The following TAF1A variants were observed in gnomAD, a reference collection of about 807,000 sequenced individuals.
The protein encoded by TAF1A is TATA box-binding protein-associated factor RNA polymerase I subunit A.
A neutral mutation model predicts 61.6 loss-of-function variants in TAF1A; 42 were observed. That is an observed-to-expected ratio of 0.68 (90% CI 0.53 to 0.88). The LOEUF (loss-of-function observed/expected upper bound fraction) is 0.88, where lower values mean the gene tolerates loss of function less well. TAF1A is among the 40% of genes least tolerant of loss of function. The probability of loss-of-function intolerance (pLI) is 0.00; values close to 1 mark genes in which losing one functional copy is unlikely to be tolerated. For missense variants in TAF1A, 424 were observed against 518.7 expected, an observed-to-expected ratio of 0.82 and a Z score of 1.77; for synonymous variants, 179 against 177.7, an observed-to-expected ratio of 1.01 and a Z score of -0.06.
chr1:222,564,557 AG>A (rs1211542669), intron 7 of TAF1A, among the ~76,000 whole-genome samples: 1 of 152,164 alleles, frequency 6.6e-6, no homozygotes, highest in Non-Finnish European at 1.5e-5. Context: ...AAAGCAAAAA[AG>A]CTAAAAAGGC....
chr1:222,570,693 A>G lies in TAF1A; in HGVS notation c.605-28T>C, dbSNP rs1166172172. 8 of 1,553,206 alleles carry G rather than the reference A, an allele frequency of 5.2e-6. No individual in the cohort carries two copies. The Admixed American group carries it at 7.2e-5, about 14-fold the overall frequency. Reference sequence around the variant, plus strand: ...GCCCAAAGATACAAGATCTTTTAACATTCATTAAACATTGAGGACCTCTGT... The same window carrying G: ...GCCCAAAGATACAAGATCTTTTAACGTTCATTAAACATTGAGGACCTCTGT... On this transcript the variant is annotated intron_variant, in intron 5 of 10. Transcript: ENST00000352967.
intron 7 of TAF1A, among the ~76,000 whole-genome samples, chr1:222,565,482 AAC>A (rs1345597283): frequency 3.3e-5 from 5 of 152,246 alleles, no homozygotes; most frequent in Non-Finnish European, 5.9e-5. Flanking sequence ...ATAAGTATTC[AAC>A]AGTTATTTTC....
At chr1:222,558,282 A>T (rs1044434291), downstream of TAF1A, 2 of 152,424 alleles carry the variant, frequency 1.3e-5, no homozygotes, top group Non-Finnish European at 2.9e-5. Context: ...AAATGGATTA[A>T]TTAGAATATA....
intron 5 of TAF1A, among the ~76,000 whole-genome samples, chr1:222,572,765 C>T (rs1450676025): frequency 6.6e-6 from 1 of 152,128 alleles, no homozygotes; most frequent in Non-Finnish European, 1.5e-5. Flanking sequence ...TAAAGTTGGG[C>T]CCCTACCTAC....
intron 5 of TAF1A, among the ~76,000 whole-genome samples, chr1:222,572,025 T>C (rs907426909): frequency 2.0e-5 from 3 of 152,152 alleles, no homozygotes; most frequent in African/African-American, 7.2e-5. Context: ...GAGACCAGCC[T>C]GACCAACAAG....
chr1:222,559,646 T>G (rs1659833365), intron 10 of TAF1A, among the ~76,000 whole-genome samples: 1 of 152,156 alleles, frequency 6.6e-6, no homozygotes, highest in Admixed American at 6.5e-5. Flanking sequence ...TTATTATTCC[T>G]GAAACTAGTA....
intron 7 of TAF1A, chr1:222,569,126 C>T (rs142185507): frequency 3.2e-4 from 160 of 505,514 alleles, no homozygotes; most frequent in African/African-American, 2.9e-3. Flanking sequence ...ATTCTGGGGG[C>T]GACAGAAATG....
At chr1:222,580,164 T>C (rs941741522) in intron 3 of TAF1A, among the ~76,000 whole-genome samples, 1 of 152,206 alleles carries the variant, frequency 6.6e-6, no homozygotes, top group African/African-American at 2.4e-5. Flanking sequence ...TAATATAAAA[T>C]GTTTAATTGG....
At chr1:222,571,236 A>C (rs539765960) in intron 5 of TAF1A, among the ~76,000 whole-genome samples, 1 of 152,192 alleles carries the variant, frequency 6.6e-6, no homozygotes, top group Non-Finnish European at 1.5e-5. Context: ...AACTTCCTCA[A>C]TCTGATAAAG....
chr1:222,581,747 C>A (rs1180178750), intron 3 of TAF1A, among the ~76,000 whole-genome samples: 2 of 152,064 alleles, frequency 1.3e-5, no homozygotes, highest in African/African-American at 4.8e-5. Context: ...GAAGAAAGAG[C>A]TTTCCAAGAA....
rs1660313949 is a variant in TAF1A at position 222,570,661 on chromosome 1, C to T, written c.609G>A (p.Lys203=). Residue 203 remains lysine (K), a synonymous_variant, in exon 6 of 11, where the codon AAG becomes AAA. Transcript: ENST00000352967. ...EKKMELSKLD[K]DDYAYNAVAQ... The stretch of plus-strand genomic sequence containing the variant: ...CTACTGCATTGTAAGCATAATCATC[C>T]TTATCTGCCCAAAGATACAAGATCT... The T allele has an allele frequency of 3.1e-6, 5 of 1,602,766 alleles. No homozygotes were observed. Among genetic ancestry groups the T allele is most frequent in the South Asian group, 1.1e-5 (1 of 89,564 alleles).
chr1:222,565,978 A>G (rs1191559417), intron 7 of TAF1A, among the ~76,000 whole-genome samples: 2 of 152,256 alleles, frequency 1.3e-5, no homozygotes, highest in Non-Finnish European at 2.9e-5. Flanking sequence ...TCACGAAAGT[A>G]TAAAGATAAT....
Position 222,569,622 on chromosome 1 carries a change from G to T in TAF1A, c.782C>A (p.Thr261Asn), listed in dbSNP as rs1660265169. Residue 261 changes from threonine (T) to asparagine (N), a missense_variant, in exon 7 of 11, where the codon ACC becomes AAC. Physicochemically the swap from Thr to Asn is moderately conservative, Grantham distance 65. Transcript: ENST00000352967. ...GDRDGAQEVL[T>N]NYAYDEKFPS... Reference sequence around the variant, plus strand: ...AAACTTTTCATCATATGCATAATTGGTGAGTACCTCTTGGGCTCCATCTCG... The same window carrying T: ...AAACTTTTCATCATATGCATAATTGTTGAGTACCTCTTGGGCTCCATCTCG... 1.2e-6 allele frequency: 2 copies of T among 1,613,860 alleles called. No individual in the cohort carries two copies. Among genetic ancestry groups the T allele is most frequent in the Non-Finnish European group, 1.7e-6 (2 of 1,179,898 alleles).
chr1:222,573,904 T>C (rs1425423975), intron 5 of TAF1A, among the ~76,000 whole-genome samples: 1 of 152,184 alleles, frequency 6.6e-6, no homozygotes, highest in Non-Finnish European at 1.5e-5. Context: ...AACAATGGAA[T>C]TCTATTCAGT....
intron 7 of TAF1A, among the ~76,000 whole-genome samples, chr1:222,568,450 T>TA (rs1434466349): frequency 6.7e-6 from 1 of 149,882 alleles, no homozygotes; most frequent in African/African-American, 2.5e-5. Flanking sequence ...CCCCCAAAAA[T>TA]AGACTAAGTA....
chr1:222,558,539 T>C lies in TAF1A; in HGVS notation c.*121A>G, dbSNP rs1659790839. On this transcript the variant is annotated 3_prime_UTR_variant, in exon 11 of 11. Coordinates refer to ENST00000352967, the MANE Select transcript of TAF1A (RefSeq NM_005681.4). ...TAAATAATACAAAAATATAAAAATA[T>C]ATAAAAATAAGTTTTTTGTAGTAAT... 2.7e-6 allele frequency: 1 copy of C among 374,304 alleles called. No homozygotes were observed. Among genetic ancestry groups the C allele is most frequent in the African/African-American group, 2.1e-5 (1 of 47,784 alleles). 23.2% of individuals were successfully genotyped at this position (374,304 alleles called of 1,614,324 possible). A position where few individuals can be genotyped will look rare whatever the true frequency, so the allele number is the denominator to read the frequency against.
intron 2 of TAF1A, among the ~76,000 whole-genome samples, chr1:222,587,253 T>C (rs1661052446): frequency 6.6e-6 from 1 of 152,218 alleles, no homozygotes; most frequent in Non-Finnish European, 1.5e-5. Context: ...TTACATATAT[T>C]GTCTCATTTT....
intron 7 of TAF1A, among the ~76,000 whole-genome samples, chr1:222,565,733 G>T (rs867069100): frequency 3.3e-5 from 5 of 152,294 alleles, no homozygotes; most frequent in Middle Eastern, 3.4e-3. Context: ...ATGGTGGCGT[G>T]TGCCTGTAGT....
chr1:222,571,952 C>T (rs1406911323), intron 5 of TAF1A, among the ~76,000 whole-genome samples: 1 of 152,120 alleles, frequency 6.6e-6, no homozygotes, highest in African/African-American at 2.4e-5. Flanking sequence ...CATGGTGGCT[C>T]ACACCTATAA....
Sources: allele counts gnomAD v4.1 joint callset (sites outside exome capture counted in the v4.1 genomes callset), GRCh38; gene constraint gnomAD v4.1.1; transcripts MANE v1.5; gene names NCBI Gene and HGNC (gene_info 2026-07-23, HGNC 2026-07-21).